ASIC2: variants seen among roughly 807,000 people sequenced by gnomAD.
The protein encoded by ASIC2 is acid-sensing ion channel 2.
ASIC2 carries 25 observed loss-of-function variants against 57.3 expected under a neutral mutation model. That is an observed-to-expected ratio of 0.44 (90% confidence interval 0.32 to 0.61). ASIC2 has a LOEUF of 0.61. Among genes scored for constraint, ASIC2 ranks in the 20% least tolerant of loss-of-function variants. ASIC2 has a pLI of 0.06. For missense variants in ASIC2, 641 were observed against 738.1 expected (o/e 0.87, Z 1.52); for synonymous variants, 319 against 307.5 (o/e 1.04, Z -0.39).
chr17:33,433,377 C>T (rs1258540928), intron 1 of ASIC2, among the ~76,000 whole-genome samples: 4 of 152,110 alleles, frequency 2.6e-5, no homozygotes, highest in East Asian at 1.9e-4. Context: ...CAGAGGTGAA[C>T]GCTAGACACT....
At chr17:33,131,346 C>A (rs991677006) in intron 1 of ASIC2, among the ~76,000 whole-genome samples, 1 of 152,180 alleles carries the variant, frequency 6.6e-6, no homozygotes, top group Non-Finnish European at 1.5e-5. Context: ...ATTGCTGGGG[C>A]TCTCCATGCC....
chr17:33,954,829 C>T (rs1254183795), intron 1 of ASIC2, among the ~76,000 whole-genome samples: 1 of 152,142 alleles, frequency 6.6e-6, no homozygotes, highest in Non-Finnish European at 1.5e-5. Context: ...ACATGCAGCC[C>T]GGTTTGCGCC....
chr17:33,176,964 A>G (rs932197371), intron 1 of ASIC2, among the ~76,000 whole-genome samples: 1 of 152,224 alleles, frequency 6.6e-6, no homozygotes, highest in Non-Finnish European at 1.5e-5. Context: ...GCACCCGTGT[A>G]TCTGACCTGG....
intron 1 of ASIC2, among the ~76,000 whole-genome samples, chr17:33,316,046 G>A (rs1196537441): frequency 1.3e-5 from 2 of 152,174 alleles, no homozygotes; most frequent in Admixed American, 1.3e-4. Flanking sequence ...CGAGCTTGGA[G>A]CCTGGTACAA....
chr17:33,808,049 G>A (rs1296594987), intron 1 of ASIC2, among the ~76,000 whole-genome samples: 1 of 152,148 alleles, frequency 6.6e-6, no homozygotes, highest in Non-Finnish European at 1.5e-5. Flanking sequence ...ATGAAGTTCA[G>A]TTATCAACTT....
At chr17:34,066,284 G>A (rs377204178) in intron 1 of ASIC2, among the ~76,000 whole-genome samples, 9 of 152,282 alleles carry the variant, frequency 5.9e-5, no homozygotes, top group East Asian at 3.9e-4. Flanking sequence ...TAATTAAGTC[G>A]TTCATCTCTT....
chr17:33,351,974 C>A (rs1011822955), intron 1 of ASIC2, among the ~76,000 whole-genome samples: 1 of 152,074 alleles, frequency 6.6e-6, no homozygotes, highest in African/African-American at 2.4e-5. Context: ...TGTCTTCTTC[C>A]TTCTGCATGC....
At chr17:33,963,601 T>C (rs1904991309) in intron 1 of ASIC2, among the ~76,000 whole-genome samples, 1 of 151,912 alleles carries the variant, frequency 6.6e-6, no homozygotes. Flanking sequence ...GCTTAAATTA[T>C]GTTATTGTTA....
chr17:33,239,557 C>CA (rs1908427587), intron 1 of ASIC2, among the ~76,000 whole-genome samples: 1 of 152,178 alleles, frequency 6.6e-6, no homozygotes, highest in African/African-American at 2.4e-5. Context: ...AGAATACTGG[C>CA]ACACAGTAAG....
intron 1 of ASIC2, among the ~76,000 whole-genome samples, chr17:34,059,843 G>C (rs534183675): frequency 6.6e-6 from 1 of 152,204 alleles, no homozygotes; most frequent in Admixed American, 6.5e-5. Flanking sequence ...AGCAAAACCC[G>C]CCCAAGGAGA....
At chr17:33,880,201 G>A (rs1188584637) in intron 1 of ASIC2, among the ~76,000 whole-genome samples, 1 of 152,086 alleles carries the variant, frequency 6.6e-6, no homozygotes, top group Non-Finnish European at 1.5e-5. Flanking sequence ...AAGAACTAGA[G>A]AAGCAAGAGC....
chr17:33,134,095 C>T (rs1008358685), intron 1 of ASIC2, among the ~76,000 whole-genome samples: 1 of 152,202 alleles, frequency 6.6e-6, no homozygotes, highest in African/African-American at 2.4e-5. Flanking sequence ...GCCAAAGACA[C>T]AGAAGGTGAG....
chr17:33,897,386 T>G (rs1453674961), intron 1 of ASIC2, among the ~76,000 whole-genome samples: 2 of 152,250 alleles, frequency 1.3e-5, no homozygotes, highest in Non-Finnish European at 2.9e-5. Context: ...CCCACCCCAT[T>G]GCACTTTGCA....
At chr17:33,288,756 A>T (rs1161645654) in intron 1 of ASIC2, among the ~76,000 whole-genome samples, 1 of 148,010 alleles carries the variant, frequency 6.8e-6, no homozygotes, top group Non-Finnish European at 1.5e-5. Flanking sequence ...ACACACACAC[A>T]CACAACTAAT....
intron 1 of ASIC2, among the ~76,000 whole-genome samples, chr17:33,188,322 G>A (rs1334231171): frequency 6.6e-6 from 1 of 152,116 alleles, no homozygotes; most frequent in Admixed American, 6.6e-5. Context: ...TCTGTGAGCT[G>A]TGGGACAATA....
At chr17:33,319,465 A>C (rs1446241111) in intron 1 of ASIC2, among the ~76,000 whole-genome samples, 1 of 152,158 alleles carries the variant, frequency 6.6e-6, no homozygotes, top group Non-Finnish European at 1.5e-5. Flanking sequence ...CCCTGTGTTC[A>C]TGTGGGATTC....
chr17:34,022,413 C>A (rs1467175107), intron 1 of ASIC2, among the ~76,000 whole-genome samples: 1 of 152,072 alleles, frequency 6.6e-6, no homozygotes, highest in Non-Finnish European at 1.5e-5. Flanking sequence ...CCTATACAAC[C>A]TGCTCAGAGT....
At position 34,041,848 on chromosome 17, in the gene ASIC2, C is replaced by T. The variant is rs150969988; in HGVS notation, c.555+114130G>A. Reference sequence around the variant, plus strand: ...TAAGTAGTCTTTCACCTTTAATATTCCTCCCTCTGATCCATCCTGTGGAGT... The same window carrying T: ...TAAGTAGTCTTTCACCTTTAATATTTCTCCCTCTGATCCATCCTGTGGAGT... On this transcript the variant is annotated intron_variant, in intron 1 of 9. Coordinates refer to the ASIC2 transcript ENST00000359872. Among the ~76,000 whole-genome samples, 119 of 152,324 alleles carry T rather than the reference C, an allele frequency of 7.8e-4. 1 individual carries two copies. Among genetic ancestry groups the T allele is most frequent in the African/African-American group, 2.8e-3 (116 of 41,574 alleles).
intron 1 of ASIC2, among the ~76,000 whole-genome samples, chr17:33,452,782 C>G (rs564378474): frequency 2.6e-4 from 20 of 76,706 alleles, no homozygotes; most frequent in Admixed American, 1.9e-3. Context: ...TGTGTGATAG[C>G]CTTTAAAAAG....
Sources: gnomAD v4.1 joint callset for allele counts (sites outside exome capture counted in the v4.1 genomes callset) on GRCh38, gnomAD v4.1.1 for gene constraint, MANE v1.5 for transcripts, NCBI Gene and HGNC (gene_info 2026-07-23, HGNC 2026-07-21) for gene names.